ARHGAP39: variants seen among roughly 807,000 people sequenced by gnomAD.
ARHGAP39 encodes the protein Rho GTPase activating protein 39, also known as rho GTPase-activating protein 39.
ARHGAP39 carries 44 observed loss-of-function variants against 106.9 expected under a neutral mutation model. That is an observed-to-expected ratio of 0.41 (90% CI 0.32 to 0.53). ARHGAP39 has a LOEUF of 0.53. Among genes scored for constraint, ARHGAP39 ranks in the 20% least tolerant of loss-of-function variants. The probability of loss-of-function intolerance (pLI) is 0.21; values close to 1 mark genes in which losing one functional copy is unlikely to be tolerated. For synonymous variants in ARHGAP39, 768 were observed against 693.2 expected, an observed-to-expected ratio of 1.11 and a Z score of -1.69; for missense variants, 1,496 against 1,577.3, an observed-to-expected ratio of 0.95 and a Z score of 0.87.
intron 1 of ARHGAP39, among the ~76,000 whole-genome samples, chr8:144,662,396 C>G (rs1007853071): frequency 6.7e-6 from 1 of 149,422 alleles, no homozygotes; most frequent in Non-Finnish European, 1.5e-5. Context: ...CATTATTATC[C>G]AGCTTGGACA....
chr8:144,642,464 G>A (rs1821336174), intron 1 of ARHGAP39, among the ~76,000 whole-genome samples: 1 of 151,884 alleles, frequency 6.6e-6, no homozygotes, highest in African/African-American at 2.4e-5. Flanking sequence ...TCCAGCCTGG[G>A]TGACAGAGTG....
chr8:144,642,606 G>A (rs2130989280), intron 1 of ARHGAP39, among the ~76,000 whole-genome samples: 1 of 152,128 alleles, frequency 6.6e-6, no homozygotes, highest in Admixed American at 6.6e-5. Flanking sequence ...GTCATGAGAG[G>A]GACCTAGTGG....
At chr8:144,537,343 G>A (rs560262656) in intron 7 of ARHGAP39, among the ~76,000 whole-genome samples, 1 of 151,956 alleles carries the variant, frequency 6.6e-6, no homozygotes, top group African/African-American at 2.4e-5. Context: ...ACAGGACTGA[G>A]GGGTGCTTGT....
intron 6 of ARHGAP39, among the ~76,000 whole-genome samples, chr8:144,542,760 G>A (rs980912219): frequency 4.6e-5 from 7 of 151,910 alleles, no homozygotes; most frequent in African/African-American, 9.7e-5. Flanking sequence ...CCAACGTGGT[G>A]AAACCCCGTC....
At position 144,670,765 on chromosome 8, in the gene ARHGAP39, A is replaced by C. The variant is rs1822081081; in HGVS notation, c.-82+14921T>G. Among the ~76,000 whole-genome samples, 1 of 152,128 alleles carries C rather than the reference A, an allele frequency of 6.6e-6. No homozygotes were observed. Among genetic ancestry groups the C allele is most frequent in the Non-Finnish European group, 1.5e-5 (1 of 68,026 alleles). On this transcript the variant is annotated intron_variant, in intron 1 of 11. Coordinates refer to ENST00000377307, the MANE Select transcript of ARHGAP39 (RefSeq NM_025251.3). This position sits in a 1 kb window ranked among gnomAD's most constrained non-coding sequence, Gnocchi z 4.4. The stretch of plus-strand genomic sequence containing the variant: ...ATGCTAGATTTGCTGTCACAGCCTC[A>C]TCCCCGTCCTTCAGACCACACACCG...
intron 1 of ARHGAP39, among the ~76,000 whole-genome samples, chr8:144,628,276 GGT>G (rs1820975719): frequency 6.6e-6 from 1 of 152,122 alleles, no homozygotes; most frequent in African/African-American, 2.4e-5. Flanking sequence ...AGCATAGCAT[GGT>G]GTGGGCTGTC....
chr8:144,545,904 G>T, intron 5 of ARHGAP39, 94 bp from the exon 6 acceptor site: 1 of 1,206,478 alleles, frequency 8.3e-7, no homozygotes, highest in East Asian at 2.6e-5. Flanking sequence ...GTGAGCTGGG[G>T]CCCCACCAGA....
At chr8:144,692,714 A>C in the ARHGAP39 span, among the ~76,000 whole-genome samples, 1 of 148,600 alleles carries the variant, frequency 6.7e-6, no homozygotes, top group Non-Finnish European at 1.5e-5. Context: ...TCATAAAAAC[A>C]CTAGGAAGAG....
chr8:144,539,928 A>G (rs918165745), intron 6 of ARHGAP39, among the ~76,000 whole-genome samples: 6 of 152,248 alleles, frequency 3.9e-5, no homozygotes, highest in African/African-American at 1.4e-4. Flanking sequence ...CTAAAACAAA[A>G]AAAAGTGGTA....
At chr8:144,595,386 A>G (rs1209818953) in intron 2 of ARHGAP39, among the ~76,000 whole-genome samples, 1 of 152,112 alleles carries the variant, frequency 6.6e-6, no homozygotes, top group Non-Finnish European at 1.5e-5. Flanking sequence ...ATCCCACAGG[A>G]CACAAAGCCG....
chr8:144,592,092 T>C (rs1333599210), intron 2 of ARHGAP39, among the ~76,000 whole-genome samples: 1 of 152,228 alleles, frequency 6.6e-6, no homozygotes, highest in Non-Finnish European at 1.5e-5. Flanking sequence ...CAATTGTTAT[T>C]TTTGTTTAAA....
upstream of ARHGAP39, among the ~76,000 whole-genome samples, chr8:144,689,140 G>A (rs1822693168): frequency 6.6e-6 from 1 of 152,140 alleles, no homozygotes; most frequent in Non-Finnish European, 1.5e-5. Flanking sequence ...GGATCCCTGG[G>A]CCACCCCGGG....
intron 3 of ARHGAP39, among the ~76,000 whole-genome samples, chr8:144,574,443 G>A (rs949957734): frequency 6.6e-6 from 1 of 152,160 alleles, no homozygotes; most frequent in Non-Finnish European, 1.5e-5. Context: ...GGCCGAGGCG[G>A]GCAGATCACC....
intron 1 of ARHGAP39, among the ~76,000 whole-genome samples, chr8:144,616,170 G>A (rs548771675): frequency 7.9e-5 from 12 of 152,340 alleles, no homozygotes; most frequent in African/African-American, 2.9e-4. Context: ...ACCTGGCTCC[G>A]TCTGTGTGAC....
chr8:144,594,695 A>T (rs1347025244), intron 2 of ARHGAP39, among the ~76,000 whole-genome samples: 1 of 118,768 alleles, frequency 8.4e-6, no homozygotes, highest in African/African-American at 3.9e-5. Context: ...ACGCCACCTC[A>T]AAAAAAAAAA....
At chr8:144,533,967 C>A (rs981290426) in intron 8 of ARHGAP39, among the ~76,000 whole-genome samples, 162 bp downstream of exon 8, 1 of 152,102 alleles carries the variant, frequency 6.6e-6, no homozygotes, top group East Asian at 1.9e-4. Flanking sequence ...CAGAAGAACA[C>A]GGGGTCAGCC....
At chr8:144,652,096 C>T (rs1821587758) in intron 1 of ARHGAP39, among the ~76,000 whole-genome samples, 1 of 152,070 alleles carries the variant, frequency 6.6e-6, no homozygotes, top group African/African-American at 2.4e-5. Flanking sequence ...AGCTTCTGCA[C>T]AGCAAATGAA....
intron 1 of ARHGAP39, among the ~76,000 whole-genome samples, chr8:144,642,717 G>A (rs182831831): frequency 2.0e-5 from 3 of 152,258 alleles, no homozygotes; most frequent in Admixed American, 6.5e-5. Flanking sequence ...CAGTTCCCCT[G>A]TACACACTCT....
At position 144,545,546 on chromosome 8, in the gene ARHGAP39, CCTT is replaced by C; in HGVS notation, c.2221_2223del (p.Lys741del). On this transcript the variant is annotated inframe_deletion, in exon 6 of 12. Coordinates refer to ENST00000377307, the MANE Select transcript of ARHGAP39 (RefSeq NM_025251.3). ...ATCAGCTTGAAGAGCTCGCAGGCCTCCTTCTTCACGTGCCGGTCGCTTGTCACG... is the reference window on the plus strand; with the variant it reads ...ATCAGCTTGAAGAGCTCGCAGGCCTCCTTCACGTGCCGGTCGCTTGTCACG... The C allele has an allele frequency of 3.7e-6, 6 of 1,613,748 alleles. No homozygotes were observed. The highest frequency in any genetic ancestry group is 5.1e-6 in the Non-Finnish European group (6 of 1,180,014).
Sources: allele counts gnomAD v4.1 joint callset (sites outside exome capture counted in the v4.1 genomes callset), GRCh38; gene constraint gnomAD v4.1.1; non-coding constraint Gnocchi (gnomAD v3.1); transcripts MANE v1.5; gene names NCBI Gene and HGNC (gene_info 2026-07-23, HGNC 2026-07-21).